The following ZBTB20 variants were observed in gnomAD, a reference collection of about 807,000 sequenced individuals.
ZBTB20 encodes zinc finger and BTB domain containing 20.
In ZBTB20, 9 loss-of-function variants were observed where a neutral mutation model predicts 56.9. The ratio of observed to expected loss-of-function variants is 0.16; its 90% CI spans 0.10 to 0.28. The LOEUF (loss-of-function observed/expected upper bound fraction) is 0.28, where lower values mean the gene tolerates loss of function less well. Ranked by LOEUF, ZBTB20 falls within the 10% of genes least tolerant of loss-of-function variation. ZBTB20 has a pLI of 1.00. For synonymous variants in ZBTB20, 417 were observed against 420.7 expected, an observed-to-expected ratio of 0.99 and a Z score of 0.11; for missense variants, 655 against 1,003.0, an observed-to-expected ratio of 0.65 and a Z score of 4.69.
intron 3 of ZBTB20, among the ~76,000 whole-genome samples, chr3:114,915,008 T>C (rs2075687203): frequency 6.6e-6 from 1 of 151,852 alleles, no homozygotes; most frequent in South Asian, 2.1e-4. Flanking sequence ...ATCAGGGATA[T>C]TGGCCTGTGG....
At chr3:114,558,252 T>C (rs1212878810) in intron 6 of ZBTB20, among the ~76,000 whole-genome samples, 1 of 152,044 alleles carries the variant, frequency 6.6e-6, no homozygotes, top group Non-Finnish European at 1.5e-5. Context: ...AGCACACTTG[T>C]GATGAACCTT....
At chr3:114,783,820 G>A (rs1223630750) in intron 5 of ZBTB20, among the ~76,000 whole-genome samples, 1 of 151,238 alleles carries the variant, frequency 6.6e-6, no homozygotes, top group Non-Finnish European at 1.5e-5. Context: ...ACATCCTCAG[G>A]AAGATGATGG....
intron 6 of ZBTB20, among the ~76,000 whole-genome samples, chr3:114,633,144 G>A (rs1475433244): frequency 6.6e-6 from 1 of 152,186 alleles, no homozygotes; most frequent in Non-Finnish European, 1.5e-5. Flanking sequence ...CTCAAAAGCA[G>A]GATAGGAAAA....
chr3:114,543,219 T>C (rs150008263), intron 6 of ZBTB20, among the ~76,000 whole-genome samples: 16 of 152,322 alleles, frequency 1.1e-4, no homozygotes, highest in South Asian at 6.2e-4. Flanking sequence ...GTGGTTGTTA[T>C]AGGGTATTTT....
intron 4 of ZBTB20, among the ~76,000 whole-genome samples, chr3:114,869,635 T>C (rs1006457873): frequency 6.6e-6 from 1 of 152,124 alleles, no homozygotes; most frequent in African/African-American, 2.4e-5. Flanking sequence ...CTTTTATATT[T>C]TCATCAAAAA....
chr3:114,674,565 T>G (rs2061526312), intron 6 of ZBTB20, among the ~76,000 whole-genome samples: 1 of 152,092 alleles, frequency 6.6e-6, no homozygotes, highest in Non-Finnish European at 1.5e-5. Flanking sequence ...TAGAAACACA[T>G]GTAAACTACA....
intron 4 of ZBTB20, among the ~76,000 whole-genome samples, chr3:114,830,730 T>C (rs1326308803): frequency 2.0e-5 from 3 of 151,952 alleles, no homozygotes; most frequent in African/African-American, 7.2e-5. Context: ...CGTGCCAGGA[T>C]TCAAAGTCAG....
chr3:114,863,237 G>C (rs1006736237), intron 4 of ZBTB20, among the ~76,000 whole-genome samples: 5 of 152,090 alleles, frequency 3.3e-5, no homozygotes, highest in African/African-American at 1.2e-4. Context: ...AAATCACCTA[G>C]AGAATCTGAC....
At chr3:115,087,618 T>C (rs1401915567) in intron 1 of ZBTB20, among the ~76,000 whole-genome samples, 5 of 151,872 alleles carry the variant, frequency 3.3e-5, no homozygotes, top group Non-Finnish European at 7.4e-5. Context: ...ACTGGAGCAA[T>C]GAATAACCTA....
At position 114,607,272 on chromosome 3, in the gene ZBTB20, A is replaced by AT. The variant is rs569573322; in HGVS notation, c.-295+86255dup. Among the ~76,000 whole-genome samples, 141 of 149,906 alleles carry AT rather than the reference A, an allele frequency of 9.4e-4. 2 individuals are homozygous for AT. The South Asian group carries it at 0.021, about 22-fold the overall frequency. On this transcript the variant is annotated intron_variant, in intron 6 of 11. Transcript: ENST00000675478. ...CATTTCTATGGATTTAAAAGTGTTA[A>AT]TAACTAGAAAAAGCATAAAACTGTT...
chr3:114,773,522 A>T lies in ZBTB20; in HGVS notation c.-343+27579T>A, dbSNP rs1393103367. Among the ~76,000 whole-genome samples the T allele has an allele frequency of 2.6e-5, 4 of 152,204 alleles. No individual in the cohort carries two copies. In the South Asian group the frequency reaches 8.3e-4, roughly 31 times the overall value. ...GAGAAAGTAAAATACCTCGAGACTA[A>T]AGGAAAAAGAACACAGGGAGTGTAT... On this transcript the variant is annotated intron_variant, in intron 5 of 11. Coordinates refer to ENST00000675478, the MANE Select transcript of ZBTB20 (RefSeq NM_001348800.3).
chr3:114,986,309 A>T (rs2078541026), intron 2 of ZBTB20, among the ~76,000 whole-genome samples: 1 of 152,096 alleles, frequency 6.6e-6, no homozygotes, highest in African/African-American at 2.4e-5. Context: ...TGCATATTTT[A>T]TCCATCAGAT....
intron 2 of ZBTB20, among the ~76,000 whole-genome samples, chr3:115,018,018 C>T (rs927239150): frequency 2.0e-5 from 3 of 151,328 alleles, no homozygotes; most frequent in African/African-American, 4.8e-5. Context: ...CCTGTTTATG[C>T]CTAAGGATTT....
chr3:114,994,285 C>T (rs562601205), intron 2 of ZBTB20, among the ~76,000 whole-genome samples: 66 of 151,762 alleles, frequency 4.3e-4, no homozygotes, highest in African/African-American at 1.3e-3. Context: ...AATTTATGAT[C>T]AATAATTGAG....
At chr3:114,977,622 T>C (rs1349867489) in intron 2 of ZBTB20, among the ~76,000 whole-genome samples, 1 of 152,114 alleles carries the variant, frequency 6.6e-6, no homozygotes, top group African/African-American at 2.4e-5. Context: ...CTCTAATTCT[T>C]ATCAGTACTA....
chr3:114,513,955 A>G (rs1310090434), intron 6 of ZBTB20, among the ~76,000 whole-genome samples: 1 of 152,030 alleles, frequency 6.6e-6, no homozygotes, highest in Non-Finnish European at 1.5e-5. Flanking sequence ...ACATAATAAC[A>G]TACTGCATAA....
At chr3:114,632,475 GC>G (rs538126078) in intron 6 of ZBTB20, among the ~76,000 whole-genome samples, 241 of 152,238 alleles carry the variant, frequency 1.6e-3, no homozygotes, top group Non-Finnish European at 2.4e-3. Context: ...TGTTCTGCTG[GC>G]TTTTCTGCTA....
At chr3:114,846,165 T>TTC (rs2074693936) in intron 4 of ZBTB20, among the ~76,000 whole-genome samples, 1 of 152,150 alleles carries the variant, frequency 6.6e-6, no homozygotes, top group Non-Finnish European at 1.5e-5. Flanking sequence ...TGTGTGTCTG[T>TTC]GTGTTTGTAT....
intron 6 of ZBTB20, among the ~76,000 whole-genome samples, chr3:114,659,036 A>G (rs537128452): frequency 2.6e-5 from 4 of 152,308 alleles, no homozygotes; most frequent in Admixed American, 2.6e-4. Context: ...CATCCAGGTT[A>G]TCTCGTCAAC....
Sources: allele counts gnomAD v4.1 joint callset (sites outside exome capture counted in the v4.1 genomes callset), GRCh38; gene constraint gnomAD v4.1.1; transcripts MANE v1.5; gene names NCBI Gene and HGNC (gene_info 2026-07-23, HGNC 2026-07-21).